Variants in NFE2L2 observed in about 807,000 individuals in gnomAD.
The protein encoded by NFE2L2 is nuclear factor erythroid 2-related factor 2.
Under a neutral mutation model 49.6 loss-of-function variants are expected in NFE2L2, and 20 were observed. The ratio of observed to expected loss-of-function variants is 0.40; its 90% CI spans 0.28 to 0.59. The LOEUF is 0.59. Ranked by LOEUF, NFE2L2 falls within the 20% of genes least tolerant of loss-of-function variation. The pLI, the probability that NFE2L2 is intolerant of heterozygous loss-of-function variation, is 0.40. For missense variants in NFE2L2, 578 were observed against 714.2 expected (o/e 0.81, Z 2.17); for synonymous variants, 244 against 256.5 (o/e 0.95, Z 0.47).
At chr2:177,237,731 C>T (rs985706742) in intron 1 of NFE2L2, among the ~76,000 whole-genome samples, 1 of 152,142 alleles carries the variant, frequency 6.6e-6, no homozygotes, top group Non-Finnish European at 1.5e-5. Context: ...GTTGGCCAGG[C>T]TGGTCTCGAA....
At chr2:177,263,182 A>G (rs1261591622) in intron 1 of NFE2L2, among the ~76,000 whole-genome samples, 2 of 152,228 alleles carry the variant, frequency 1.3e-5, no homozygotes, top group Non-Finnish European at 2.9e-5. Context: ...ACTTCTTTTC[A>G]CTTTTATAAC....
intron 1 of NFE2L2, chr2:177,263,612 A>G: frequency 1.0e-6 from 1 of 985,348 alleles, no homozygotes; most frequent in Non-Finnish European, 1.2e-6. Flanking sequence ...CGGCCAACCG[A>G]GCGCTGTCAC....
At chr2:177,250,012 C>A (rs78372947) in intron 1 of NFE2L2, among the ~76,000 whole-genome samples, 1 of 152,146 alleles carries the variant, frequency 6.6e-6, no homozygotes, top group African/African-American at 2.4e-5. Context: ...TAAAGATACA[C>A]TGAAATCAAT....
Position 177,230,351 on chromosome 2 carries a change from T to G in NFE2L2, c.*434A>C. On this transcript the variant is annotated 3_prime_UTR_variant, in exon 5 of 5. Coordinates refer to ENST00000397062, the MANE Select transcript of NFE2L2 (RefSeq NM_006164.5). ...CCTTTATTAGTACCAGCTCTTAAAA[T>G]TTTTTTTTTTTGCCAGAGCTAAACA... 6.1e-6 allele frequency: 1 copy of G among 165,288 alleles called. No homozygotes were observed. The highest frequency in any genetic ancestry group is 1.3e-5 in the Non-Finnish European group (1 of 77,844). The allele number at this position is 165,288 out of a possible 1,614,324, so 10.2% of individuals were successfully genotyped here.
intron 1 of NFE2L2, among the ~76,000 whole-genome samples, chr2:177,240,607 A>G (rs1689909326): frequency 1.3e-5 from 2 of 152,230 alleles, no homozygotes; most frequent in South Asian, 4.1e-4. Context: ...CTGGCCTAAC[A>G]GAAATATTCA....
chr2:177,263,988 C>T (rs1398177602), intron 1 of NFE2L2: 1 of 979,458 alleles, frequency 1.0e-6, no homozygotes, highest in Non-Finnish European at 1.2e-6. Flanking sequence ...CGTCGCAGCC[C>T]GCACTCAAGG....
At position 177,231,705 on chromosome 2, in the gene NFE2L2, G is replaced by A. The variant is rs587778556; in HGVS notation, c.898C>T (p.Pro300Ser). The A allele has an allele frequency of 4.7e-5, 76 of 1,614,026 alleles. No homozygotes were observed. The highest frequency in any genetic ancestry group is 6.2e-5 in the Non-Finnish European group (73 of 1,180,014). ...GAATGGCTTAAAGTAGCAGGTGAGGGCATGCTGTTGCTGATACTGGGCTCA... is the reference window on the plus strand; with the variant it reads ...GAATGGCTTAAAGTAGCAGGTGAGGACATGCTGTTGCTGATACTGGGCTCA... Reference protein sequence around the residue: ...IAEPSISNSMPSPATLSHSLS... With the variant: ...IAEPSISNSMSSPATLSHSLS... The change falls in exon 5 of 5, where the codon CCC becomes TCC. Residue 300 changes from proline to serine, a missense_variant. This residue lies in a region of NFE2L2 where 368 missense variants were observed against 384.6 expected (regional missense o/e 0.96). Coordinates refer to ENST00000397062, the MANE Select transcript of NFE2L2 (RefSeq NM_006164.5).
At position 177,264,676 on chromosome 2, in the gene NFE2L2, GC is replaced by G; in HGVS notation, c.-101del. The stretch of plus-strand genomic sequence containing the variant: ...GGCGGCTCTGGTGGCGGCGGCGGCG[GC>G]GGTGGCGGCTGCGTCGGCGGCTCCT... On this transcript the variant is annotated 5_prime_UTR_variant, in exon 1 of 5. Transcript: ENST00000397062. 1 of 1,156,082 alleles carries G rather than the reference GC, an allele frequency of 8.6e-7. No homozygotes were observed. The allele number at this position is 1,156,082 out of a possible 1,614,324, so 71.6% of individuals were successfully genotyped here.
Position 177,264,444 on chromosome 2 carries a change from T to C in NFE2L2, c.45+88A>G, listed in dbSNP as rs1350754928. 2.9e-6 allele frequency: 4 copies of C among 1,372,114 alleles called. No homozygotes were observed. In the African/African-American group the frequency reaches 4.5e-5, roughly 16 times the overall value. 85.0% of individuals were successfully genotyped at this position (1,372,114 alleles called of 1,614,324 possible). On this transcript the variant is annotated intron_variant, in intron 1 of 4. Transcript: ENST00000397062. ...TCTGGCCAGACGTGGGGGAAGCCGG[T>C]TGCGGCTGTCCCTCCCGGGCCGCGG... is the stretch of plus-strand genomic sequence containing the variant.
At chr2:177,237,386 CAG>C (rs777351577) in intron 1 of NFE2L2, among the ~76,000 whole-genome samples, 1 of 152,216 alleles carries the variant, frequency 6.6e-6, no homozygotes, top group African/African-American at 2.4e-5. Context: ...GCTATCTTCT[CAG>C]GGGGATTCCC....
chr2:177,256,742 AC>A (rs202099449), intron 1 of NFE2L2, among the ~76,000 whole-genome samples: 199 of 151,834 alleles, frequency 1.3e-3, no homozygotes, highest in African/African-American at 4.3e-3. Flanking sequence ...GACTAAATAC[AC>A]CCCCCCAACA....
chr2:177,256,335 G>A (rs1690522601), intron 1 of NFE2L2, among the ~76,000 whole-genome samples: 1 of 152,092 alleles, frequency 6.6e-6, no homozygotes, highest in African/African-American at 2.4e-5. Flanking sequence ...TTATGCGGAA[G>A]CAGAGCAGAC....
At chr2:177,262,079 C>T (rs1690763574) in intron 1 of NFE2L2, among the ~76,000 whole-genome samples, 1 of 152,106 alleles carries the variant, frequency 6.6e-6, no homozygotes, top group African/African-American at 2.4e-5. Flanking sequence ...CAAAATGGCC[C>T]AAGTTATTTT....
intron 2 of NFE2L2, 88 bp from the exon 3 acceptor site, chr2:177,233,427 A>C: frequency 1.0e-6 from 1 of 978,100 alleles, no homozygotes; most frequent in Non-Finnish European, 1.5e-6. Context: ...TGTTCATAAA[A>C]TATTTATAAT....
At chr2:177,256,834 T>A (rs1690544376) in intron 1 of NFE2L2, among the ~76,000 whole-genome samples, 2 of 152,188 alleles carry the variant, frequency 1.3e-5, no homozygotes, top group South Asian at 4.1e-4. Context: ...GAGGCCACAG[T>A]GGACAGAGTT....
In NFE2L2 at chr2:177,247,433, A is replaced by C. The variant is rs540313010; in HGVS notation, c.46-13162T>G. Among the ~76,000 whole-genome samples the C allele has an allele frequency of 3.6e-3, 543 of 152,196 alleles. 3 individuals are homozygous for C. Among genetic ancestry groups the C allele is most frequent in the Non-Finnish European group, 5.4e-3 (367 of 68,000 alleles). On this transcript the variant is annotated intron_variant, in intron 1 of 4. Coordinates refer to ENST00000397062, the MANE Select transcript of NFE2L2 (RefSeq NM_006164.5). ...TCCCAGCACTTTGGGAGGCCGAGGCAGGTGGATCGTAAGGTCAGGAGTTCA... is the reference window on the plus strand; with the variant it reads ...TCCCAGCACTTTGGGAGGCCGAGGCCGGTGGATCGTAAGGTCAGGAGTTCA...
chr2:177,241,993 G>C (rs1472675398), intron 1 of NFE2L2, among the ~76,000 whole-genome samples: 1 of 152,200 alleles, frequency 6.6e-6, no homozygotes. Context: ...ACATTTCATA[G>C]ATATGTATCT....
chr2:177,232,241 C>A (rs1689579597), intron 4 of NFE2L2, 151 bp downstream of exon 4: 2 of 932,330 alleles, frequency 2.1e-6, no homozygotes, highest in Non-Finnish European at 3.1e-6. Flanking sequence ...CTCAAGATGT[C>A]CAACCAATTT....
chr2:177,256,379 C>A (rs1198376855), intron 1 of NFE2L2, among the ~76,000 whole-genome samples: 2 of 151,310 alleles, frequency 1.3e-5, no homozygotes, highest in East Asian at 3.9e-4. Flanking sequence ...AAGCAAAATT[C>A]TATATGCCTT....
Sources: gnomAD v4.1 joint callset for allele counts (sites outside exome capture counted in the v4.1 genomes callset) on GRCh38, gnomAD v4.1.1 for gene constraint, gnomAD v4.1.1 regional missense constraint, MANE v1.5 for transcripts, NCBI Gene and HGNC (gene_info 2026-07-23, HGNC 2026-07-21) for gene names.